The following SNX17 variants were observed in gnomAD, a reference collection of about 807,000 sequenced individuals.
The protein encoded by SNX17 is sorting nexin 17.
In SNX17, 35 loss-of-function variants were observed where a neutral mutation model predicts 64.3. That is an observed-to-expected ratio of 0.54 (90% CI 0.42 to 0.72). SNX17 has a LOEUF of 0.72. Ranked by LOEUF, SNX17 falls within the 30% of genes least tolerant of loss-of-function variation. SNX17 has a pLI of 0.00. For missense variants in SNX17, 538 were observed against 610.0 expected, an observed-to-expected ratio of 0.88 and a Z score of 1.24; for synonymous variants, 259 against 230.2, an observed-to-expected ratio of 1.13 and a Z score of -1.13.
At position 27,375,951 on chromosome 2, in the gene SNX17, G is replaced by A; in HGVS notation, c.1084G>A (p.Val362Ile). ...CATGAGCAAGGACCGGCTACAGTGG[G>A]TCACCATCACTAGCCCCCAGGTGTG... is the stretch of plus-strand genomic sequence containing the variant. ...YLMSKDRLQW[V>I]TITSPQAIMM... The change falls in exon 11 of 15, where the codon GTC (valine) becomes ATC (isoleucine). Residue 362 changes from valine (V) to isoleucine (I), a missense_variant. Coordinates refer to ENST00000233575, the MANE Select transcript of SNX17 (RefSeq NM_014748.4). The surrounding 1 kb of genome is among the most constrained non-coding windows in gnomAD (Gnocchi z 4.1). 1 of 1,614,152 alleles carries A rather than the reference G, an allele frequency of 6.2e-7. No individual in the cohort carries two copies. The highest frequency in any genetic ancestry group is 8.5e-7 in the Non-Finnish European group (1 of 1,180,034).
Position 27,376,358 on chromosome 2 carries a change from C to T in SNX17, c.1228C>T (p.Gln410Ter). The T allele has an allele frequency of 6.2e-7, 1 of 1,612,856 alleles. No homozygotes were observed. The highest frequency in any genetic ancestry group is 8.5e-7 in the Non-Finnish European group (1 of 1,179,038). Residue 410 changes from glutamine to a stop codon, truncating the protein, a stop_gained, in exon 13 of 15, where the codon CAG becomes TAG. Coordinates refer to ENST00000233575, the MANE Select transcript of SNX17 (RefSeq NM_014748.4). LOFTEE classifies it high-confidence loss of function. ...VGGTLRRSDSQQAVKSPPLLE... is the reference protein window; with the variant it reads ...VGGTLRRSDS ...GGGTACTCTGAGACGCTCAGACAGC[C>T]AGCAAGCAGTGAAGTCCCCACCACT...
At chr2:27,376,259 TGAGAG>T in intron 12 of SNX17, 49 bp from the exon 13 acceptor site, 4 of 1,612,516 alleles carry the variant, frequency 2.5e-6, no homozygotes, top group Non-Finnish European at 3.4e-6. Flanking sequence ...AGGCTTGTCT[TGAGAG>T]GGAGGGGAAG....
rs370516976 is a variant in SNX17, at chr2:27,376,322, C to A, written c.1192C>A (p.Arg398=). The change falls in exon 13 of 15, where the codon CGG becomes AGG. Residue 398 remains arginine, a synonymous_variant. Transcript: ENST00000233575. ...SGGSIRKMLR[R]RVGGTLRRSD... ...TTGTGTCTGTCCCCAGATGCTGCGCCGGCGGGTGGGGGGTACTCTGAGACG... is the reference window on the plus strand; with the variant it reads ...TTGTGTCTGTCCCCAGATGCTGCGCAGGCGGGTGGGGGGTACTCTGAGACG... 6 of 1,611,616 alleles carry A rather than the reference C, an allele frequency of 3.7e-6. No individual in the cohort carries two copies. The African/African-American group carries it at 8.0e-5, about 21-fold the overall frequency.
chr2:27,373,368 C>A lies in SNX17; in HGVS notation c.321+57C>A, dbSNP rs916151235. The A allele has an allele frequency of 3.2e-6, 5 of 1,579,718 alleles. No homozygotes were observed. In the Admixed American group the frequency reaches 8.4e-5, roughly 26 times the overall value. ...AAAGGACCTTGCTGGAAGGTCATGT[C>A]TTTTATTTTTTTGAGACAGAGTCTT... is the stretch of plus-strand genomic sequence containing the variant. On this transcript the variant is annotated intron_variant, in intron 4 of 14. Transcript: ENST00000233575.
chr2:27,371,232 G>C, intron 1 of SNX17, 37 bp from the exon 2 acceptor site: 1 of 1,598,306 alleles, frequency 6.3e-7, no homozygotes, highest in South Asian at 1.1e-5. Flanking sequence ...TGCGCAGACC[G>C]CAACCCTAAA....
At chr2:27,373,369 TTTTA>T in intron 4 of SNX17, 58 bp downstream of exon 4, 1 of 1,566,576 alleles carries the variant, frequency 6.4e-7, no homozygotes. Flanking sequence ...AGGTCATGTC[TTTTA>T]TTTTTTTGAG....
In SNX17 at chr2:27,377,502, C is replaced by T. The variant is rs1391974279; in HGVS notation, c.*783C>T. 2 of 1,606,364 alleles carry T rather than the reference C, an allele frequency of 1.2e-6. No individual in the cohort carries two copies. The highest frequency in any genetic ancestry group is 1.1e-5 in the South Asian group (1 of 90,968). On this transcript the variant is annotated 3_prime_UTR_variant, in exon 15 of 15. Coordinates refer to ENST00000233575, the MANE Select transcript of SNX17 (RefSeq NM_014748.4). The surrounding 1 kb of genome is among the most constrained non-coding windows in gnomAD (Gnocchi z 4.4). ...TGGCCAGCGGGGGAGAAAAAGGTGG[C>T]TTCTGGTCCGTCTGTATAAAACATG...
At chr2:27,373,118 G>T in intron 3 of SNX17, 129 bp from the exon 4 acceptor site, 48 of 1,587,998 alleles carry the variant, frequency 3.0e-5, no homozygotes, top group Non-Finnish European at 3.9e-5. Flanking sequence ...AGTGAGGTGA[G>T]GCCAGCTGGG....
chr2:27,370,639 AT>A lies in SNX17; in HGVS notation c.-104del, dbSNP rs1212356376. The A allele has an allele frequency of 1.2e-5, 17 of 1,459,686 alleles. No individual in the cohort carries two copies. Among genetic ancestry groups the A allele is most frequent in the Non-Finnish European group, 1.5e-5 (17 of 1,104,366 alleles). 90.4% of individuals were successfully genotyped at this position (1,459,686 alleles called of 1,614,324 possible). On this transcript the variant is annotated 5_prime_UTR_variant, in exon 1 of 15. An upstream start codon of the reference 5' UTR is lost. Transcript: ENST00000233575. Reference sequence around the variant, plus strand: ...CACATCGGATCGCAGGGCTCCCAAAATGGCGAGTGAGGCTGCGGGGACTCGC... The same window carrying A: ...CACATCGGATCGCAGGGCTCCCAAAAGGCGAGTGAGGCTGCGGGGACTCGC...
chr2:27,376,802 C>T lies in SNX17; in HGVS notation c.*83C>T, dbSNP rs1008966667. The T allele has an allele frequency of 6.0e-6, 7 of 1,167,140 alleles. No individual in the cohort carries two copies. The highest frequency in any genetic ancestry group is 1.5e-5 in the African/African-American group (1 of 66,108). 72.3% of individuals were successfully genotyped at this position (1,167,140 alleles called of 1,614,324 possible). On this transcript the variant is annotated 3_prime_UTR_variant, in exon 15 of 15. Coordinates refer to ENST00000233575, the MANE Select transcript of SNX17 (RefSeq NM_014748.4). The stretch of plus-strand genomic sequence containing the variant: ...GTGCCTGTGTCCCCCATGCTAGGGG[C>T]GGAGGGGTCTTTTCCTTCTTCTTTC...
chr2:27,372,817 A>G, intron 3 of SNX17, 77 bp downstream of exon 3: 1 of 1,566,998 alleles, frequency 6.4e-7, no homozygotes, highest in African/African-American at 1.4e-5. Context: ...GTTCTGTGGA[A>G]GGGCCTGATT....
intron 2 of SNX17, among the ~76,000 whole-genome samples, chr2:27,372,076 G>A (rs1228696388): frequency 6.6e-6 from 1 of 152,142 alleles, no homozygotes. Context: ...GTAGAGAGGG[G>A]TTTCACTATG....
chr2:27,373,831 G>C (rs758289925), intron 4 of SNX17, 30 bp from the exon 5 acceptor site: 55 of 1,563,000 alleles, frequency 3.5e-5, no homozygotes, highest in Non-Finnish European at 4.7e-5. Flanking sequence ...ACAAGGCAGT[G>C]CTTCCCATCC....
chr2:27,370,800 C>T lies in SNX17; in HGVS notation c.57C>T (p.Ala19=). The change falls in exon 1 of 15, where the codon GCC becomes GCT. Residue 19 remains alanine, a synonymous_variant. Coordinates refer to ENST00000233575, the MANE Select transcript of SNX17 (RefSeq NM_014748.4). ...GCAGCGGGGACAGCGGCGGCTCCGC[C>T]TACGTGGTGAGGAGCGGCCGGAGCC... is the stretch of plus-strand genomic sequence containing the variant. ...ESRSGDSGGS[A]YVAYNIHVNG... 1 of 1,544,460 alleles carries T rather than the reference C, an allele frequency of 6.5e-7. No individual in the cohort carries two copies. The highest frequency in any genetic ancestry group is 8.7e-7 in the Non-Finnish European group (1 of 1,146,340).
rs534682634 is a variant in SNX17, at chr2:27,370,640, T to C, written c.-104T>C. On this transcript the variant is annotated 5_prime_UTR_variant, in exon 1 of 15. It removes an upstream start codon present in the reference 5' UTR. Transcript: ENST00000233575. ...ACATCGGATCGCAGGGCTCCCAAAA[T>C]GGCGAGTGAGGCTGCGGGGACTCGC... 6.8e-7 allele frequency: 1 copy of C among 1,459,996 alleles called. No homozygotes were observed. Among genetic ancestry groups the C allele is most frequent in the Non-Finnish European group, 9.1e-7 (1 of 1,104,354 alleles). 90.4% of individuals were successfully genotyped at this position (1,459,996 alleles called of 1,614,324 possible). A position where few individuals can be genotyped will look rare whatever the true frequency, so the allele number is the denominator to read the frequency against.
In SNX17 at chr2:27,372,695, G is replaced by C; in HGVS notation, c.211G>C (p.Glu71Gln). ...GAAGCTTTTCTCTCTGACTCCTGCT[G>C]AGGTAGAACAGAGGAGAGAGCAGTT... ...PKKLFSLTPA[E>Q]VEQRREQLEK... The change falls in exon 3 of 15, where the codon GAG becomes CAG. Residue 71 changes from glutamate (E) to glutamine (Q), a missense_variant. Physicochemically the swap from Glu to Gln is conservative, Grantham distance 29 (BLOSUM62 2). This residue lies in a region of SNX17 where 505 missense variants were observed against 550.4 expected (regional missense o/e 0.92). Transcript: ENST00000233575. The C allele has an allele frequency of 2.5e-6, 4 of 1,614,230 alleles. No homozygotes were observed. The highest frequency in any genetic ancestry group is 3.4e-6 in the Non-Finnish European group (4 of 1,180,034).
At position 27,377,274 on chromosome 2, in the gene SNX17, TTAAA is replaced by T. The variant is rs1352307869; in HGVS notation, c.*560_*563del. Reference sequence around the variant, plus strand: ...CTTTATTATAAAGCACTGAAATAAGTTAAATAAACAGGTGGGAGGCTGGGCAGTC... The same window carrying T: ...CTTTATTATAAAGCACTGAAATAAGTTAAACAGGTGGGAGGCTGGGCAGTC... On this transcript the variant is annotated 3_prime_UTR_variant, in exon 15 of 15. Transcript: ENST00000233575. This position sits in a 1 kb window ranked among gnomAD's most constrained non-coding sequence, Gnocchi z 4.4. 17 of 608,134 alleles carry T rather than the reference TTAAA, an allele frequency of 2.8e-5. No homozygotes were observed. Among genetic ancestry groups the T allele is most frequent in the Admixed American group, 8.7e-5 (3 of 34,576 alleles). The allele number at this position is 608,134 out of a possible 1,614,324, so 37.7% of individuals were successfully genotyped here.
intron 1 of SNX17, 48 bp downstream of exon 1, chr2:27,370,854 C>A: frequency 3.3e-6 from 5 of 1,520,852 alleles, no homozygotes; most frequent in South Asian, 1.2e-5. Context: ...GCGGGGATAA[C>A]GGGCCCGAGC....
intron 1 of SNX17, 65 bp downstream of exon 1, chr2:27,370,871 G>C: frequency 6.6e-7 from 1 of 1,504,666 alleles, no homozygotes; most frequent in East Asian, 2.5e-5. Context: ...GAGCCATCTC[G>C]GAGCGGCCTC....
Sources: gnomAD v4.1 joint callset for allele counts (sites outside exome capture counted in the v4.1 genomes callset) on GRCh38, gnomAD v4.1.1 for gene constraint, gnomAD v4.1.1 regional missense constraint, Gnocchi (gnomAD v3.1) non-coding constraint, MANE v1.5 for transcripts, NCBI Gene and HGNC (gene_info 2026-07-23, HGNC 2026-07-21) for gene names.